Variants in TCERG1L observed in about 807,000 individuals in gnomAD.
TCERG1L encodes transcription elongation regulator 1-like protein.
TCERG1L carries 37 observed loss-of-function variants against 56.3 expected under a neutral mutation model. The observed-to-expected ratio is 0.66, with a 90% CI of 0.51 to 0.87. TCERG1L has a LOEUF of 0.87. Among genes scored for constraint, TCERG1L ranks in the 40% least tolerant of loss-of-function variants. The pLI is 0.00. For missense variants in TCERG1L, 799 were observed against 774.2 expected, an observed-to-expected ratio of 1.03 and a Z score of -0.38; for synonymous variants, 324 against 326.3, an observed-to-expected ratio of 0.99 and a Z score of 0.08.
intron 4 of TCERG1L, among the ~76,000 whole-genome samples, chr10:131,227,824 G>A (rs1294224510): frequency 6.8e-6 from 1 of 147,162 alleles, no homozygotes; most frequent in African/African-American, 2.6e-5. Flanking sequence ...TTTTTAAACA[G>A]GAAAGGGAAC....
At chr10:131,255,288 T>C (rs1356039300) in intron 4 of TCERG1L, among the ~76,000 whole-genome samples, 1 of 152,154 alleles carries the variant, frequency 6.6e-6, no homozygotes, top group Non-Finnish European at 1.5e-5. Context: ...CAGGGACAAC[T>C]TTAAAGAAAG....
At chr10:131,288,816 G>C (rs1035369884) in intron 3 of TCERG1L, among the ~76,000 whole-genome samples, 11 of 152,060 alleles carry the variant, frequency 7.2e-5, no homozygotes, top group Non-Finnish European at 2.9e-5. Flanking sequence ...TGCCCAGGAA[G>C]GCAAAGGACA....
intron 4 of TCERG1L, among the ~76,000 whole-genome samples, chr10:131,241,458 C>T (rs749085837): frequency 2.6e-5 from 4 of 152,016 alleles, no homozygotes; most frequent in Non-Finnish European, 2.9e-5. Flanking sequence ...TGACATGCAA[C>T]GCATCGTCCA....
chr10:131,223,764 C>T (rs770546288), intron 4 of TCERG1L, among the ~76,000 whole-genome samples: 6 of 152,038 alleles, frequency 3.9e-5, no homozygotes, highest in Non-Finnish European at 7.4e-5. Context: ...CACTGCACAT[C>T]TCCTTCCAGC....
Position 131,311,489 on chromosome 10 carries a change from C to A in TCERG1L, c.147G>T (p.Leu49=). The part of the protein sequence containing the change: ...WVWMVPGSAG[L]LRLSAGVVVP... ...CCACGACCCCCGCGCTGAGCCGGAG[C>A]AGCCCGGCCGAGCCCGGCACCATCC... Residue 49 remains leucine, a synonymous_variant, in exon 1 of 12, where the codon CTG becomes CTT. Transcript: ENST00000368642. The surrounding 1 kb of genome is among the most constrained non-coding windows in gnomAD (Gnocchi z 4.0). 8.4e-7 allele frequency: 1 copy of A among 1,195,340 alleles called. No individual in the cohort carries two copies. The highest frequency in any genetic ancestry group is 1.0e-6 in the Non-Finnish European group (1 of 963,962). 74.0% of individuals were successfully genotyped at this position (1,195,340 alleles called of 1,614,324 possible). A position where few individuals can be genotyped will look rare whatever the true frequency, so the allele number is the denominator to read the frequency against.
intron 3 of TCERG1L, among the ~76,000 whole-genome samples, chr10:131,265,763 T>C (rs1417719232): frequency 2.6e-5 from 4 of 152,250 alleles, no homozygotes; most frequent in Non-Finnish European, 5.9e-5. Context: ...TTAGAGATCA[T>C]CTGAGCCTTC....
At chr10:131,145,600 C>T (rs1845785508) in intron 7 of TCERG1L, among the ~76,000 whole-genome samples, 1 of 152,242 alleles carries the variant, frequency 6.6e-6, no homozygotes, top group Non-Finnish European at 1.5e-5. Flanking sequence ...TCTTCTGAAG[C>T]TTCAGTCAAA....
intron 4 of TCERG1L, among the ~76,000 whole-genome samples, chr10:131,232,639 A>T (rs1365312257): frequency 6.6e-6 from 1 of 152,262 alleles, no homozygotes; most frequent in Non-Finnish European, 1.5e-5. Flanking sequence ...GAAAATTTCC[A>T]AAAGTGAAGT....
chr10:131,308,106 G>C (rs1846834203), intron 3 of TCERG1L, 105 bp downstream of exon 3: 1 of 1,149,778 alleles, frequency 8.7e-7, no homozygotes, highest in Admixed American at 3.0e-5. Context: ...ATTTTACCAA[G>C]ATAATTGTTT....
intron 6 of TCERG1L, among the ~76,000 whole-genome samples, chr10:131,147,470 C>T (rs558941635): frequency 9.8e-5 from 15 of 152,326 alleles, no homozygotes; most frequent in Non-Finnish European, 1.5e-4. Flanking sequence ...CGAGCAAGCG[C>T]GGCAGATAAA....
At chr10:131,308,789 A>C (rs918359437) in intron 2 of TCERG1L, among the ~76,000 whole-genome samples, 2 of 152,250 alleles carry the variant, frequency 1.3e-5, no homozygotes, top group Non-Finnish European at 2.9e-5. Context: ...ATGAAAACTT[A>C]AAGCATCATA....
chr10:131,262,561 T>A (rs1311558831), intron 3 of TCERG1L, among the ~76,000 whole-genome samples: 1 of 152,146 alleles, frequency 6.6e-6, no homozygotes, highest in Non-Finnish European at 1.5e-5. Context: ...TAGAGAGAGT[T>A]CCCTAATGGA....
intron 8 of TCERG1L, 88 bp from the exon 9 acceptor site, chr10:131,117,022 A>G: frequency 2.7e-6 from 4 of 1,459,000 alleles, no homozygotes; most frequent in Non-Finnish European, 3.6e-6. Context: ...CCTCAAGGTA[A>G]CTCTTTCAGA....
rs997956119 is a variant in TCERG1L at position 131,260,990 on chromosome 10, C to A, written c.671-546G>T. Among the ~76,000 whole-genome samples the A allele has an allele frequency of 6.6e-6, 1 of 151,836 alleles. No homozygotes were observed. The highest frequency in any genetic ancestry group is 1.5e-5 in the Non-Finnish European group (1 of 67,940). ...GGGCACCAGGCTCAGCCGGGCCCTG[C>A]AGGGAGAGGGTGGACAGGTTTCCAG... On this transcript the variant is annotated intron_variant, in intron 3 of 11. Transcript: ENST00000368642. This position sits in a 1 kb window ranked among gnomAD's most constrained non-coding sequence, Gnocchi z 5.8.
At chr10:131,305,738 T>C (rs1427719639) in intron 3 of TCERG1L, among the ~76,000 whole-genome samples, 1 of 152,066 alleles carries the variant, frequency 6.6e-6, no homozygotes, top group Non-Finnish European at 1.5e-5. Flanking sequence ...TTTCTGCTTC[T>C]ATGATTAACT....
At chr10:131,142,698 T>C (rs1217619118) in intron 7 of TCERG1L, among the ~76,000 whole-genome samples, 1 of 152,150 alleles carries the variant, frequency 6.6e-6, no homozygotes, top group Non-Finnish European at 1.5e-5. Context: ...CAAATCCCCA[T>C]TCCCCTTCAG....
chr10:131,181,988 GTGTGTGTGCACATAGCACACCGTGTGTA>G, intron 4 of TCERG1L, among the ~76,000 whole-genome samples: 1 of 152,226 alleles, frequency 6.6e-6, no homozygotes, highest in African/African-American at 2.4e-5. Flanking sequence ...CAATGTATCT[GTGTGTGTGCACATAGCACACCGTGTGTA>G]TGTGTGTGTA....
intron 3 of TCERG1L, among the ~76,000 whole-genome samples, chr10:131,279,958 C>G (rs540640206): frequency 5.8e-4 from 89 of 152,274 alleles, no homozygotes; most frequent in African/African-American, 2.1e-3. Context: ...TGGAATGCGA[C>G]CCAGCAGAGC....
At chr10:131,220,086 G>A (rs1845714019) in intron 4 of TCERG1L, among the ~76,000 whole-genome samples, 1 of 152,202 alleles carries the variant, frequency 6.6e-6, no homozygotes, top group Non-Finnish European at 1.5e-5. Context: ...CCCGGGCTGA[G>A]CTCCACCCTG....
Sources: gnomAD v4.1 joint callset for allele counts (sites outside exome capture counted in the v4.1 genomes callset) on GRCh38, gnomAD v4.1.1 for gene constraint, Gnocchi (gnomAD v3.1) non-coding constraint, MANE v1.5 for transcripts, NCBI Gene and HGNC (gene_info 2026-07-23, HGNC 2026-07-21) for gene names.